The following KDM4B variants were observed in gnomAD, a reference collection of about 807,000 sequenced individuals.
KDM4B encodes lysine demethylase 4B.
In KDM4B, 32 loss-of-function variants were observed where a neutral mutation model predicts 125.2. That is an observed-to-expected ratio of 0.26 (90% CI 0.19 to 0.34). The LOEUF is 0.34. Among genes scored for constraint, KDM4B ranks in the 10% least tolerant of loss-of-function variants. KDM4B has a pLI of 1.00. For missense variants in KDM4B, 1,190 were observed against 1,577.7 expected, an observed-to-expected ratio of 0.75 and a Z score of 4.16; for synonymous variants, 721 against 677.9, an observed-to-expected ratio of 1.06 and a Z score of -0.99.
chr19:5,076,836 G>A (rs1046014849), intron 7 of KDM4B: 2 of 162,986 alleles, frequency 1.2e-5, no homozygotes, highest in African/African-American at 4.8e-5. Flanking sequence ...TTGACCGAGT[G>A]ACGAGAGCGG....
chr19:5,077,099 C>T, intron 7 of KDM4B: 1 of 496,968 alleles, frequency 2.0e-6, no homozygotes, highest in South Asian at 2.7e-5. Context: ...CTCACATGGT[C>T]ACTGCGCAGA....
chr19:5,013,047 C>T (rs895272571), intron 1 of KDM4B, among the ~76,000 whole-genome samples: 11 of 152,188 alleles, frequency 7.2e-5, no homozygotes, highest in African/African-American at 1.7e-4. Context: ...AACTGGGGCC[C>T]GGCCTCAGCC....
In KDM4B at chr19:5,133,964, G is replaced by C; in HGVS notation, c.1988G>C (p.Arg663Thr). ...CTGCTGTCTCTGCAGTGGAAGAACA[G>C]GGCGGCCAGCTTCCAGGCCGAGAGG... ...RPLLSLQWKNRAASFQAERKF... is the reference protein window; with the variant it reads ...RPLLSLQWKNTAASFQAERKF... The change falls in exon 14 of 23, where the codon AGG becomes ACG. Residue 663 changes from arginine (R) to threonine (T), a missense_variant. This residue lies in a region of KDM4B where 128 missense variants were observed against 137.8 expected (regional missense o/e 0.93). Transcript: ENST00000159111. 1 of 1,612,882 alleles carries C rather than the reference G, an allele frequency of 6.2e-7. No individual in the cohort carries two copies.
At chr19:5,126,575 C>T (rs958320132) in intron 11 of KDM4B, among the ~76,000 whole-genome samples, 7 of 152,244 alleles carry the variant, frequency 4.6e-5, no homozygotes, top group African/African-American at 1.7e-4. Context: ...CCCCTCCCCT[C>T]GCCCCGGAGT....
chr19:5,087,761 G>C lies in KDM4B; in HGVS notation c.918+5257G>C, dbSNP rs528973002. Among the ~76,000 whole-genome samples the C allele has an allele frequency of 7.2e-4, 109 of 152,312 alleles. 1 individual carries two copies. The highest frequency in any genetic ancestry group is 2.5e-3 in the African/African-American group (105 of 41,556). On this transcript the variant is annotated intron_variant, in intron 9 of 22. Coordinates refer to ENST00000159111, the MANE Select transcript of KDM4B (RefSeq NM_015015.3). ...CTGCAGCGGTCTGCAGCCTCGGTGT[G>C]CGACGTTTCTTAAGCACACAGGTGT...
chr19:5,123,882 G>A (rs752620515), intron 11 of KDM4B, among the ~76,000 whole-genome samples: 13 of 152,098 alleles, frequency 8.5e-5, no homozygotes, highest in East Asian at 3.9e-4. Context: ...GGGGATGGGC[G>A]CAGTTCAGGT....
At chr19:5,083,837 C>T (rs1279874946) in intron 9 of KDM4B, among the ~76,000 whole-genome samples, 2 of 152,198 alleles carry the variant, frequency 1.3e-5, no homozygotes, top group African/African-American at 4.8e-5. Flanking sequence ...CCAGTTCCTC[C>T]AGAGCCGGGG....
intron 2 of KDM4B, among the ~76,000 whole-genome samples, chr19:5,030,079 G>A (rs976783195): frequency 1.3e-5 from 2 of 152,212 alleles, no homozygotes; most frequent in Non-Finnish European, 2.9e-5. Flanking sequence ...GCAACCCCAC[G>A]AGGTGTGGGG....
Position 5,039,884 on chromosome 19 carries a change from G to A in KDM4B, c.190G>A (p.Asp64Asn). Residue 64 changes from aspartate (D) to asparagine (N), a missense_variant, in exon 4 of 23, where the codon GAC (aspartate) becomes AAC (asparagine). By Grantham distance (23) the Asp-to-Asn change is conservative (BLOSUM62 1). Transcript: ENST00000159111. ...WKPRQTYDDIDDVVIPAPIQQ... is the reference protein window; with the variant it reads ...WKPRQTYDDINDVVIPAPIQQ... ...GCCGCGGCAGACGTATGATGACATC[G>A]ACGACGTGGTGATCCCGGCGCCCAT... 2 of 1,612,972 alleles carry A rather than the reference G, an allele frequency of 1.2e-6. No individual in the cohort carries two copies. Among genetic ancestry groups the A allele is most frequent in the Non-Finnish European group, 1.7e-6 (2 of 1,179,908 alleles).
intron 2 of KDM4B, among the ~76,000 whole-genome samples, chr19:5,020,090 GGTGTGCAGGTGTTAGTGTGCAGGTGTTA>G (rs1266902797): frequency 6.9e-6 from 1 of 144,530 alleles, no homozygotes; most frequent in African/African-American, 2.6e-5. Flanking sequence ...TGTGGATGTT[GGTGTGCAGGTGTTAGTGTGCAGGTGTTA>G]GTGTGCAGGT....
At chr19:5,116,251 A>AG (rs1167062838) in intron 10 of KDM4B, among the ~76,000 whole-genome samples, 1 of 148,468 alleles carries the variant, frequency 6.7e-6, no homozygotes, top group East Asian at 1.9e-4. Flanking sequence ...AAAAAAAAAA[A>AG]AAAAAAAAAA....
chr19:5,104,161 T>C (rs564718183), intron 9 of KDM4B, among the ~76,000 whole-genome samples: 1 of 151,736 alleles, frequency 6.6e-6, no homozygotes, highest in Admixed American at 6.6e-5. Context: ...GCAGAGGAGC[T>C]CGCTCCAGCT....
chr19:5,026,912 C>A (rs1341014521), intron 2 of KDM4B, among the ~76,000 whole-genome samples: 1 of 152,236 alleles, frequency 6.6e-6, no homozygotes. Context: ...TGTCTAGAAT[C>A]TTCTACAAGG....
intron 9 of KDM4B, among the ~76,000 whole-genome samples, chr19:5,097,275 G>T (rs1230222233): frequency 6.6e-6 from 1 of 152,216 alleles, no homozygotes; most frequent in Non-Finnish European, 1.5e-5. Context: ...TGTTTCTTGA[G>T]ACAGTCTCCA....
In KDM4B at chr19:4,972,191, C is replaced by T. The variant is rs188174096; in HGVS notation, c.-109+2961C>T. The stretch of plus-strand genomic sequence containing the variant: ...CTCCGTTCTCATCTGGTGGTCTTGA[C>T]GACGTCTCTGGATCTCTGCCCTCTG... On this transcript the variant is annotated intron_variant, in intron 1 of 22. Coordinates refer to ENST00000159111, the MANE Select transcript of KDM4B (RefSeq NM_015015.3). Among the ~76,000 whole-genome samples the T allele has an allele frequency of 5.9e-5, 9 of 152,338 alleles. No individual in the cohort carries two copies. In the East Asian group the frequency reaches 1.2e-3, roughly 20 times the overall value.
Position 5,070,751 on chromosome 19 carries a change from T to C in KDM4B, c.627-259T>C, listed in dbSNP as rs2037920278. On this transcript the variant is annotated intron_variant, in intron 6 of 22. Coordinates refer to ENST00000159111, the MANE Select transcript of KDM4B (RefSeq NM_015015.3). ...GCTTAACCGGGAGCATCCCCACTCC[T>C]GGCTTTCTGAGTGTGTCACAAGCCA... The C allele has an allele frequency of 1.7e-5, 7 of 418,302 alleles. No individual in the cohort carries two copies. The South Asian group carries it at 2.7e-4, about 16-fold the overall frequency. 25.9% of individuals were successfully genotyped at this position (418,302 alleles called of 1,614,324 possible). A position where few individuals can be genotyped will look rare whatever the true frequency, so the allele number is the denominator to read the frequency against.
At chr19:4,990,595 T>G (rs984308472) in intron 1 of KDM4B, among the ~76,000 whole-genome samples, 2 of 152,224 alleles carry the variant, frequency 1.3e-5, no homozygotes, top group Admixed American at 6.5e-5. Flanking sequence ...GTTTTAATAC[T>G]GTCATTATGG....
intron 1 of KDM4B, among the ~76,000 whole-genome samples, chr19:4,989,776 C>T (rs1215896594): frequency 6.6e-6 from 1 of 152,170 alleles, no homozygotes; most frequent in African/African-American, 2.4e-5. Context: ...CCTCAGCCTC[C>T]TAAGTAGCTG....
intron 9 of KDM4B, among the ~76,000 whole-genome samples, chr19:5,089,106 G>A (rs1263914508): frequency 6.6e-6 from 1 of 152,160 alleles, no homozygotes; most frequent in East Asian, 1.9e-4. Flanking sequence ...CTCTACCTTT[G>A]ATGGCGAAGA....
Sources: gnomAD v4.1 joint callset for allele counts (sites outside exome capture counted in the v4.1 genomes callset) on GRCh38, gnomAD v4.1.1 for gene constraint, gnomAD v4.1.1 regional missense constraint, MANE v1.5 for transcripts, NCBI Gene and HGNC (gene_info 2026-07-23, HGNC 2026-07-21) for gene names.